The following HDAC5 variants were observed in gnomAD, a reference collection of about 807,000 sequenced individuals.
HDAC5 encodes antigen NY-CO-9.
HDAC5 carries 25 observed loss-of-function variants against 133.3 expected under a neutral mutation model. The ratio of observed to expected loss-of-function variants is 0.19; its 90% confidence interval spans 0.14 to 0.26. HDAC5 has a LOEUF of 0.26. Among genes scored for constraint, HDAC5 ranks in the 10% least tolerant of loss-of-function variants. HDAC5 has a pLI of 1.00. For synonymous variants in HDAC5, 589 were observed against 610.8 expected, an observed-to-expected ratio of 0.96 and a Z score of 0.53; for missense variants, 1,041 against 1,460.5, an observed-to-expected ratio of 0.71 and a Z score of 4.68.
chr17:44,087,848 C>CA, intron 12 of HDAC5, 152 bp from the exon 13 acceptor site: 1 of 680,346 alleles, frequency 1.5e-6, no homozygotes, highest in Admixed American at 4.0e-5. Context: ...TCTGAGAGGA[C>CA]TTTTTTTTTT....
chr17:44,081,791 T>C (rs1371216316), intron 20 of HDAC5: 10 of 151,710 alleles, frequency 6.6e-5, no homozygotes, highest in Admixed American at 2.6e-4. Context: ...ATGTTGGCCA[T>C]CCTGGTCTCG....
rs780971156 is a variant in HDAC5 at position 44,091,441 on chromosome 17, A to C, written c.1216T>G (p.Ser406Ala). The C allele has an allele frequency of 1.9e-6, 3 of 1,549,200 alleles. No individual in the cohort carries two copies. The East Asian group carries it at 6.8e-5, about 35-fold the overall frequency. ...GTCAGCGTGCCACCCTGCCGCAGGG[A>C]CTGGAGGGCCTGCCTCTCGGCCTCC... ...QQEAERQALQ[S>A]LRQGGTLTGK... The change falls in exon 11 of 27, where the codon TCC (serine) becomes GCC (alanine). Residue 406 changes from serine to alanine, a missense_variant. Physicochemically the swap from Ser to Ala is moderately conservative, Grantham distance 99. Around this residue, in one of 9 missense-constraint regions of HDAC5, gnomAD observed 433 missense variants for 531.6 expected, o/e 0.81. Transcript: ENST00000682912.
rs1184492056 is a variant in HDAC5 at position 44,082,675 on chromosome 17, G to A, written c.2520-3C>T. 4.3e-6 allele frequency: 7 copies of A among 1,612,526 alleles called. No homozygotes were observed. Among genetic ancestry groups the A allele is most frequent in the African/African-American group, 1.3e-5 (1 of 74,894 alleles). Reference sequence around the variant, plus strand: ...CAGAGTTGAAGAAGCAGAATCCCCTGAGGAGGGGAGAAAAGGGCAGGAGGT... The same window carrying A: ...CAGAGTTGAAGAAGCAGAATCCCCTAAGGAGGGGAGAAAAGGGCAGGAGGT... On this transcript the variant is annotated splice_polypyrimidine_tract_variant and splice_region_variant and intron_variant, in intron 19 of 26. Coordinates refer to ENST00000682912, the MANE Select transcript of HDAC5 (RefSeq NM_005474.5).
In HDAC5 at chr17:44,080,820, G is replaced by C; in HGVS notation, c.2670C>G (p.Ile890Met). ...AFYNDPSVLY[I>M]SLHRYDNGNF... ...TCCCGTTGTCATAGCGATGCAGAGA[G>C]ATGTAGAGCACAGAGGGGTCATTGT... Residue 890 changes from isoleucine (I) to methionine (M), a missense_variant, in exon 21 of 27, where the codon ATC (isoleucine) becomes ATG (methionine). By Grantham distance (10) the Ile-to-Met change is conservative (BLOSUM62 1). Around this residue, in one of 9 missense-constraint regions of HDAC5, gnomAD observed 174 missense variants for 352.7 expected, o/e 0.49. Transcript: ENST00000682912. 1 of 1,614,224 alleles carries C rather than the reference G, an allele frequency of 6.2e-7. No individual in the cohort carries two copies. The highest frequency in any genetic ancestry group is 8.5e-7 in the Non-Finnish European group (1 of 1,180,012).
In HDAC5 at chr17:44,123,636, A is replaced by G. The variant is rs1223659384; in HGVS notation, c.-322T>C. 14 of 394,940 alleles carry G rather than the reference A, an allele frequency of 3.5e-5. No individual in the cohort carries two copies. In the South Asian group the frequency reaches 5.1e-4, roughly 14 times the overall value. The allele number at this position is 394,940 out of a possible 1,614,324, so 24.5% of individuals were successfully genotyped here. On this transcript the variant is annotated 5_prime_UTR_variant, in exon 1 of 27. Coordinates refer to ENST00000682912, the MANE Select transcript of HDAC5 (RefSeq NM_005474.5). ...GGCTCCGCTCGCCGCCGCCACCAAC[A>G]ACAACATTCGGAGACGTCACTCCCG...
At chr17:44,097,919 C>T (rs1407323810) in intron 3 of HDAC5, among the ~76,000 whole-genome samples, 2 of 152,270 alleles carry the variant, frequency 1.3e-5, no homozygotes, top group Non-Finnish European at 2.9e-5. Context: ...ATGTTAGGCC[C>T]GGAGCTGCAG....
At chr17:44,083,716 G>A (rs1198290897) in intron 17 of HDAC5, 64 bp from the exon 18 acceptor site, 1 of 1,579,622 alleles carries the variant, frequency 6.3e-7, no homozygotes, top group Non-Finnish European at 8.7e-7. Context: ...GAGGGCACCT[G>A]GACAGTGGGC....
chr17:44,093,680 G>A lies in HDAC5; in HGVS notation c.249C>T (p.Leu83=), dbSNP rs1321396279. 2 of 1,609,364 alleles carry A rather than the reference G, an allele frequency of 1.2e-6. No homozygotes were observed. Among genetic ancestry groups the A allele is most frequent in the South Asian group, 1.1e-5 (1 of 90,430 alleles). ...EQQLQQELLA[L]KQQQQLQKQL... is the part of the protein sequence containing the mutation. The stretch of plus-strand genomic sequence containing the variant: ...GCTTCTGCAGCTGCTGCTGCTGCTT[G>A]AGCGCCAGGAGCTCCTGCTGCAGTT... The change falls in exon 4 of 27, where the codon CTC becomes CTT. Residue 83 remains leucine (L), a synonymous_variant. Transcript: ENST00000682912.
intron 3 of HDAC5, among the ~76,000 whole-genome samples, chr17:44,096,353 G>A (rs566485275): frequency 4.0e-5 from 6 of 151,574 alleles, no homozygotes; most frequent in East Asian, 1.9e-4. Context: ...AAAGGACCCC[G>A]AAATCCTTCT....
chr17:44,095,432 C>T (rs1369427380), intron 3 of HDAC5, among the ~76,000 whole-genome samples: 1 of 152,056 alleles, frequency 6.6e-6, no homozygotes, highest in Non-Finnish European at 1.5e-5. Flanking sequence ...CTGGTGGAGA[C>T]CTTCTGGATA....
At chr17:44,082,481 G>C (rs1248531197) in intron 20 of HDAC5, 104 bp downstream of exon 20, 1 of 884,296 alleles carries the variant, frequency 1.1e-6, no homozygotes, top group Non-Finnish European at 1.9e-6. Context: ...GGATGAGGAC[G>C]ACTGGGGTGC....
At chr17:44,109,586 G>A (rs1273417852) in intron 3 of HDAC5, among the ~76,000 whole-genome samples, 5 of 152,260 alleles carry the variant, frequency 3.3e-5, no homozygotes, top group Non-Finnish European at 7.3e-5. Context: ...TGCCTGGGCA[G>A]ATGATAAGCC....
intron 16 of HDAC5, 105 bp from the exon 17 acceptor site, chr17:44,083,959 A>G (rs905057558): frequency 1.1e-6 from 1 of 893,680 alleles, no homozygotes; most frequent in African/African-American, 1.6e-5. Context: ...CCCCATCTCT[A>G]CTAAAAATAC....
intron 2 of HDAC5, chr17:44,115,937 CTT>C (rs990170575): frequency 1.3e-5 from 2 of 152,288 alleles, no homozygotes; most frequent in African/African-American, 4.8e-5. Flanking sequence ...CTCCAACACT[CTT>C]GTCAGCTCCC....
At chr17:44,102,256 T>C (rs1281252532) in intron 3 of HDAC5, among the ~76,000 whole-genome samples, 2 of 152,240 alleles carry the variant, frequency 1.3e-5, no homozygotes, top group African/African-American at 4.8e-5. Flanking sequence ...GGCCACCTTT[T>C]TAAAATCTGC....
chr17:44,108,568 C>A (rs1224376444), intron 3 of HDAC5, among the ~76,000 whole-genome samples: 1 of 151,938 alleles, frequency 6.6e-6, no homozygotes, highest in Non-Finnish European at 1.5e-5. Context: ...CCCTGGACAC[C>A]TGCTTTTTCA....
chr17:44,117,609 A>AGACG lies in HDAC5; in HGVS notation c.-98_-95dup, dbSNP rs1491475703. The AGACG allele has an allele frequency of 9.2e-5, 136 of 1,470,364 alleles. No individual in the cohort carries two copies. The highest frequency in any genetic ancestry group is 1.2e-4 in the Non-Finnish European group (131 of 1,060,032). The allele number at this position is 1,470,364 out of a possible 1,614,324, so 91.1% of individuals were successfully genotyped here. On this transcript the variant is annotated 5_prime_UTR_variant, in exon 2 of 27. The change abolishes the stop of an existing upstream ORF in the 5' untranslated region. Coordinates refer to ENST00000682912, the MANE Select transcript of HDAC5 (RefSeq NM_005474.5). The surrounding 1 kb of genome is among the most constrained non-coding windows in gnomAD (Gnocchi z 4.2). ...TCAAGAGAGACAGACGATAACAGAC[A>AGACG]GACGGACGGGACGGGAGCCCGGGGC...
intron 5 of HDAC5, 46 bp from the exon 6 acceptor site, chr17:44,093,252 C>T: frequency 6.3e-7 from 1 of 1,587,564 alleles, no homozygotes; most frequent in Non-Finnish European, 8.6e-7. Context: ...GGCCAGACCC[C>T]CCATGGCAGG....
In HDAC5 at chr17:44,083,533, G is replaced by A. The variant is rs771353560; in HGVS notation, c.2463+12C>T. 3.1e-6 allele frequency: 5 copies of A among 1,603,270 alleles called. No homozygotes were observed. In the African/African-American group the frequency reaches 5.4e-5, roughly 17 times the overall value. On this transcript the variant is annotated intron_variant, in intron 18 of 26. Transcript: ENST00000682912. ...ATGCCAAGGGGCACCGAGGTCACAA[G>A]CACACGCTCACCTTGAGCTCTCCTG... is the stretch of plus-strand genomic sequence containing the variant.
Sources: allele counts gnomAD v4.1 joint callset (sites outside exome capture counted in the v4.1 genomes callset), GRCh38; gene constraint gnomAD v4.1.1; regional missense constraint gnomAD v4.1.1; non-coding constraint Gnocchi (gnomAD v3.1); transcripts MANE v1.5; gene names NCBI Gene and HGNC (gene_info 2026-07-23, HGNC 2026-07-21).